Variants in NAA25 observed in about 807,000 individuals in gnomAD.
NAA25 encodes the protein N-alpha-acetyltransferase 25, NatB auxiliary subunit, also known as N-terminal acetyltransferase B complex subunit NAA25.
A neutral mutation model predicts 132.5 loss-of-function variants in NAA25; 30 were observed. The observed-to-expected ratio is 0.23, with a 90% confidence interval of 0.17 to 0.31. The LOEUF (loss-of-function observed/expected upper bound fraction) is 0.31. Among genes scored for constraint, NAA25 ranks in the 10% least tolerant of loss-of-function variants. The pLI, the probability that NAA25 is intolerant of heterozygous loss-of-function variation, is 1.00. For synonymous variants in NAA25, 359 were observed against 401.9 expected, an observed-to-expected ratio of 0.89 and a Z score of 1.28; for missense variants, 771 against 1,150.4, an observed-to-expected ratio of 0.67 and a Z score of 4.77.
intron 4 of NAA25, among the ~76,000 whole-genome samples, chr12:112,083,466 C>T (rs2078999994): frequency 1.3e-5 from 2 of 151,900 alleles, no homozygotes; most frequent in Admixed American, 6.6e-5. Context: ...AATTGCACCA[C>T]TGCAATTCAG....
At chr12:112,084,438 A>G (rs2079014970) in intron 4 of NAA25, among the ~76,000 whole-genome samples, 1 of 152,240 alleles carries the variant, frequency 6.6e-6, no homozygotes, top group East Asian at 1.9e-4. Flanking sequence ...CTCAAAATAA[A>G]CATACTTAAG....
In NAA25 at chr12:112,053,456, T is replaced by G. The variant is rs1242408708; in HGVS notation, c.1728+102A>C. 4.8e-6 allele frequency: 4 copies of G among 836,616 alleles called. No individual in the cohort carries two copies. In the African/African-American group the frequency reaches 5.0e-5, roughly 11 times the overall value. The allele number at this position is 836,616 out of a possible 1,614,324, so 51.8% of individuals were successfully genotyped here. A position where few individuals can be genotyped will look rare whatever the true frequency, so the allele number is the denominator to read the frequency against. ...TCTAAGGGCACTTGCTAGTTCAGCA[T>G]GGTGCACCTTAACATGTGTACTTGT... On this transcript the variant is annotated intron_variant, in intron 15 of 23. Coordinates refer to ENST00000261745, the MANE Select transcript of NAA25 (RefSeq NM_024953.4).
chr12:112,060,181 G>T, intron 13 of NAA25, 89 bp downstream of exon 13: 2 of 862,272 alleles, frequency 2.3e-6, no homozygotes, highest in Non-Finnish European at 3.7e-6. Flanking sequence ...TAAAATTTGT[G>T]GATTGTAAAA....
intron 4 of NAA25, among the ~76,000 whole-genome samples, chr12:112,085,213 G>C (rs909052601): frequency 1.3e-5 from 2 of 152,092 alleles, no homozygotes; most frequent in Admixed American, 1.3e-4. Flanking sequence ...CTGGGCGACA[G>C]AGCAAGACTA....
intron 10 of NAA25, 69 bp downstream of exon 10, chr12:112,071,826 C>CGGTGGTCGCCGTATCATTAAAAAATGT: frequency 8.0e-7 from 1 of 1,247,882 alleles, no homozygotes; most frequent in Non-Finnish European, 1.1e-6. Flanking sequence ...GTGTAGATCT[C>CGGTGGTCGCCGTATCATTAAAAAATGT]AACTAATGAA....
At chr12:112,083,665 T>G (rs2079004020) in intron 4 of NAA25, among the ~76,000 whole-genome samples, 1 of 152,064 alleles carries the variant, frequency 6.6e-6, no homozygotes, top group South Asian at 2.1e-4. Context: ...AGGTATAAAA[T>G]GAAAAATGTT....
At position 112,061,237 on chromosome 12, in the gene NAA25, T is replaced by C; in HGVS notation, c.1301A>G (p.Gln434Arg). 3 of 1,614,150 alleles carry C rather than the reference T, an allele frequency of 1.9e-6. No homozygotes were observed. Among genetic ancestry groups the C allele is most frequent in the African/African-American group, 1.3e-5 (1 of 75,038 alleles). ...CAATTCTCTGACCACACTCAATTTCTGATTTTTATCCATGGTGTGGTACAA... is the reference window on the plus strand; with the variant it reads ...CAATTCTCTGACCACACTCAATTTCCGATTTTTATCCATGGTGTGGTACAA... ...LGLYHTMDKN[Q>R]KLSVVRELML... is the part of the protein sequence containing the mutation. The change falls in exon 12 of 24, where the codon CAG becomes CGG. Residue 434 changes from glutamine (Q) to arginine (R), a missense_variant. This residue lies in a region of NAA25 where 417 missense variants were observed against 733.8 expected (regional missense o/e 0.57). Coordinates refer to ENST00000261745, the MANE Select transcript of NAA25 (RefSeq NM_024953.4).
intron 5 of NAA25, 144 bp downstream of exon 5, chr12:112,080,916 T>A (rs1469536874): frequency 1.3e-6 from 1 of 757,580 alleles, no homozygotes; most frequent in South Asian, 1.5e-5. Context: ...AGCAGTGAGC[T>A]ATGATTGCAC....
chr12:112,073,778 T>G (rs1022067897), intron 9 of NAA25, among the ~76,000 whole-genome samples: 1 of 151,958 alleles, frequency 6.6e-6, no homozygotes, highest in Admixed American at 6.6e-5. Context: ...GGAAAAAAAA[T>G]TTATTGTAGT....
At chr12:112,059,895 C>A (rs1230976368) in intron 13 of NAA25, among the ~76,000 whole-genome samples, 2 of 151,814 alleles carry the variant, frequency 1.3e-5, no homozygotes, top group Non-Finnish European at 2.9e-5. Flanking sequence ...GCAACCTCCG[C>A]CTCCCAAGCT....
In NAA25 at chr12:112,053,568, T is replaced by C. The variant is rs1438568701; in HGVS notation, c.1718A>G (p.Asn573Ser). The change falls in exon 15 of 24, where the codon AAC becomes AGC. Residue 573 changes from asparagine to serine, a missense_variant. Asn to Ser is a conservative substitution (Grantham distance 46). This residue lies in a region of NAA25 where 417 missense variants were observed against 733.8 expected (regional missense o/e 0.57). Coordinates refer to ENST00000261745, the MANE Select transcript of NAA25 (RefSeq NM_024953.4). ...TAGTTTTTCACTTACATCTTTCTGG[T>C]TGGAGTGAAAAAACCTGAGTGCGAA... ...CNFALRFFHSNQKDTSEYIIQ... is the reference protein window; with the variant it reads ...CNFALRFFHSSQKDTSEYIIQ... The C allele has an allele frequency of 1.2e-6, 2 of 1,604,280 alleles. No individual in the cohort carries two copies. The highest frequency in any genetic ancestry group is 2.2e-5 in the South Asian group (2 of 89,852).
intron 1 of NAA25, among the ~76,000 whole-genome samples, chr12:112,100,382 C>T (rs1023105698): frequency 3.3e-5 from 5 of 151,968 alleles, no homozygotes; most frequent in African/African-American, 4.8e-5. Context: ...AGGATGGTCT[C>T]GATCTCCTGA....
In NAA25 at chr12:112,078,392, G is replaced by A. The variant is rs1593807263; in HGVS notation, c.586-126C>T. On this transcript the variant is annotated intron_variant, in intron 6 of 23. Coordinates refer to ENST00000261745, the MANE Select transcript of NAA25 (RefSeq NM_024953.4). ...TCAAATGAGATGAAACTGACAGTACGAAGCAGGTAACAGGATCTTCTCCAT... is the reference window on the plus strand; with the variant it reads ...TCAAATGAGATGAAACTGACAGTACAAAGCAGGTAACAGGATCTTCTCCAT... 1.1e-4 allele frequency: 82 copies of A among 741,256 alleles called. No homozygotes were observed. The South Asian group carries it at 1.3e-3, about 11-fold the overall frequency. 45.9% of individuals were successfully genotyped at this position (741,256 alleles called of 1,614,324 possible). A position where few individuals can be genotyped will look rare whatever the true frequency, so the allele number is the denominator to read the frequency against.
intron 3 of NAA25, among the ~76,000 whole-genome samples, chr12:112,088,043 C>T (rs1267461226): frequency 1.3e-5 from 2 of 152,208 alleles, no homozygotes; most frequent in African/African-American, 4.8e-5. Context: ...TCTGTCTCCT[C>T]TTTCCCTCAG....
chr12:112,103,310 T>C (rs1050516356), intron 1 of NAA25, among the ~76,000 whole-genome samples: 3 of 152,176 alleles, frequency 2.0e-5, no homozygotes, highest in African/African-American at 7.2e-5. Flanking sequence ...CAGCTTTGTA[T>C]GCTTGTTAAC....
At chr12:112,076,661 C>A (rs577494631) in intron 7 of NAA25, among the ~76,000 whole-genome samples, 4 of 151,658 alleles carry the variant, frequency 2.6e-5, no homozygotes, top group South Asian at 4.2e-4. Flanking sequence ...TGTTGAGAAT[C>A]TAACTTTTTA....
intron 6 of NAA25, 104 bp from the exon 7 acceptor site, chr12:112,078,370 A>G: frequency 1.2e-6 from 1 of 843,464 alleles, no homozygotes; most frequent in Non-Finnish European, 1.9e-6. Context: ...CATGTCTTCA[A>G]ATGAGATGAA....
intron 13 of NAA25, 136 bp downstream of exon 13, chr12:112,060,134 T>C (rs1476863537): frequency 3.1e-6 from 2 of 642,148 alleles, no homozygotes; most frequent in Non-Finnish European, 5.4e-6. Flanking sequence ...GGAAGCACCC[T>C]AGAAATATCA....
chr12:112,085,155 A>G (rs2079027665), intron 4 of NAA25, among the ~76,000 whole-genome samples: 1 of 150,922 alleles, frequency 6.6e-6, no homozygotes, highest in East Asian at 2.0e-4. Context: ...GCTTGAACCC[A>G]GGAGGCGGAG....
Sources: allele counts gnomAD v4.1 joint callset (sites outside exome capture counted in the v4.1 genomes callset), GRCh38; gene constraint gnomAD v4.1.1; regional missense constraint gnomAD v4.1.1; transcripts MANE v1.5; gene names NCBI Gene and HGNC (gene_info 2026-07-23, HGNC 2026-07-21).